Variants in SLC2A9 observed in about 807,000 individuals in gnomAD.
SLC2A9 encodes solute carrier family 2, facilitated glucose transporter member 9.
Under a neutral mutation model 50.6 loss-of-function variants are expected in SLC2A9, and 39 were observed. The ratio of observed to expected loss-of-function variants is 0.77; its 90% CI spans 0.60 to 1.01. The LOEUF is 1.01. Ranked by LOEUF, SLC2A9 falls within the 50% of genes least tolerant of loss-of-function variation. The pLI is 0.00. For missense variants in SLC2A9, 686 were observed against 677.6 expected, an observed-to-expected ratio of 1.01 and a Z score of -0.14; for synonymous variants, 324 against 276.9, an observed-to-expected ratio of 1.17 and a Z score of -1.69.
intron 8 of SLC2A9, among the ~76,000 whole-genome samples, chr4:9,903,628 C>T (rs142455329): frequency 6.6e-6 from 1 of 151,940 alleles, no homozygotes. Context: ...CTTTATTAGC[C>T]TCCTGAGCCA....
intron 5 of SLC2A9, among the ~76,000 whole-genome samples, chr4:9,976,897 T>C (rs1754894908): frequency 6.6e-6 from 1 of 152,234 alleles, no homozygotes; most frequent in African/African-American, 2.4e-5. Context: ...ACTCCTTCTC[T>C]TTCATAGCTC....
chr4:9,917,397 A>C (rs1273776736), intron 7 of SLC2A9, among the ~76,000 whole-genome samples: 1 of 117,860 alleles, frequency 8.5e-6, no homozygotes, highest in Non-Finnish European at 1.6e-5. Flanking sequence ...TAGTGGTGCG[A>C]TCTTGGCTCA....
chr4:9,879,189 T>C, intron 10 of SLC2A9: 8 of 985,064 alleles, frequency 8.1e-6, no homozygotes, highest in Non-Finnish European at 9.6e-6. Context: ...TAGGAGTTAA[T>C]CTAGGGGGCT....
At chr4:9,825,426 C>T (rs181552377), downstream of SLC2A9, among the ~76,000 whole-genome samples, 4 of 152,298 alleles carry the variant, frequency 2.6e-5, no homozygotes, top group African/African-American at 9.6e-5. Flanking sequence ...TTCAAGACAG[C>T]TCATTACCTT....
At chr4:9,845,533 C>T (rs1728845916) in intron 10 of SLC2A9, among the ~76,000 whole-genome samples, 1 of 148,978 alleles carries the variant, frequency 6.7e-6, no homozygotes, top group Admixed American at 6.6e-5. Flanking sequence ...GGGTTCACGC[C>T]ATTCTCCTGC....
intron 5 of SLC2A9, among the ~76,000 whole-genome samples, chr4:9,952,413 C>G (rs1339977644): frequency 6.6e-6 from 1 of 152,148 alleles, no homozygotes; most frequent in African/African-American, 2.4e-5. Context: ...AGGTGATGTG[C>G]CTGCTCCTGG....
intron 1 of SLC2A9, 75 bp from the exon 2 acceptor site, chr4:10,019,148 C>T: frequency 7.9e-7 from 1 of 1,258,122 alleles, no homozygotes; most frequent in South Asian, 1.3e-5. Flanking sequence ...TGGAACGTTC[C>T]CTCAGCTGGG....
At chr4:9,911,844 G>T (rs1741868058) in intron 7 of SLC2A9, among the ~76,000 whole-genome samples, 1 of 152,198 alleles carries the variant, frequency 6.6e-6, no homozygotes, top group African/African-American at 2.4e-5. Context: ...GTCTCTCCAT[G>T]GAGATGTGAT....
downstream of SLC2A9, among the ~76,000 whole-genome samples, chr4:9,797,971 C>T (rs1235845244): frequency 1.3e-5 from 2 of 152,198 alleles, no homozygotes; most frequent in Non-Finnish European, 2.9e-5. Flanking sequence ...TGGCATTCAG[C>T]AGGGGCTAGA....
At chr4:9,843,572 G>C (rs1728445990) in intron 10 of SLC2A9, among the ~76,000 whole-genome samples, 1 of 152,102 alleles carries the variant, frequency 6.6e-6, no homozygotes, top group Admixed American at 6.5e-5. Context: ...TTAGAGTCTT[G>C]GCTCTGCCAC....
At chr4:9,872,432 C>CATA (rs1733597792) in intron 10 of SLC2A9, among the ~76,000 whole-genome samples, 2 of 152,166 alleles carry the variant, frequency 1.3e-5, no homozygotes, top group Admixed American at 1.3e-4. Flanking sequence ...ACAAAAGAAA[C>CATA]CCAGTCTGTG....
At chr4:10,014,464 T>G (rs1371303624) in intron 2 of SLC2A9, among the ~76,000 whole-genome samples, 1 of 152,194 alleles carries the variant, frequency 6.6e-6, no homozygotes, top group Non-Finnish European at 1.5e-5. Context: ...GCTCATAGCC[T>G]GGGTGGTGCT....
intron 11 of SLC2A9, among the ~76,000 whole-genome samples, chr4:9,827,229 T>C (rs1448044256): frequency 6.6e-6 from 1 of 152,234 alleles, no homozygotes; most frequent in African/African-American, 2.4e-5. Context: ...AGCTTCTCAG[T>C]GACTCAGTCA....
At chr4:9,780,429 G>A (rs1264557410) in intron 3 of SLC2A9, among the ~76,000 whole-genome samples, 3 of 152,106 alleles carry the variant, frequency 2.0e-5, no homozygotes, top group East Asian at 1.9e-4. Context: ...GCGGCAAAAA[G>A]CACTGAGGGG....
intron 8 of SLC2A9, among the ~76,000 whole-genome samples, chr4:9,906,634 T>C (rs1468570990): frequency 6.6e-6 from 1 of 152,238 alleles, no homozygotes; most frequent in Non-Finnish European, 1.5e-5. Flanking sequence ...ATTTCTTCTT[T>C]GTTCCTCTCT....
intron 2 of SLC2A9, among the ~76,000 whole-genome samples, chr4:10,005,635 C>T (rs9291641): frequency 0.72 from 109,579 of 152,124 alleles, 40,315 homozygotes; most frequent in Non-Finnish European, 0.81. Flanking sequence ...ATTGATGTTA[C>T]GGCTAGTACT....
At chr4:9,943,971 C>T (rs577330763) in intron 5 of SLC2A9, among the ~76,000 whole-genome samples, 24 of 152,332 alleles carry the variant, frequency 1.6e-4, no homozygotes, top group Non-Finnish European at 2.9e-4. Flanking sequence ...TGTGCTGAGG[C>T]CTCCCAGCCA....
At chr4:9,909,369 A>G (rs974054764) in intron 7 of SLC2A9, among the ~76,000 whole-genome samples, 12 of 152,220 alleles carry the variant, frequency 7.9e-5, no homozygotes, top group Admixed American at 2.0e-4. Flanking sequence ...TGGAGTTGCT[A>G]TACCAGCCCT....
chr4:9,782,058 C>G (rs1718479503), intron 3 of SLC2A9: 7 of 1,486,554 alleles, frequency 4.7e-6, no homozygotes, highest in Non-Finnish European at 6.2e-6. Context: ...AACGGCACCG[C>G]GTACCCGGGG....
Sources: allele counts gnomAD v4.1 joint callset (sites outside exome capture counted in the v4.1 genomes callset), GRCh38; gene constraint gnomAD v4.1.1; transcripts MANE v1.5; gene names NCBI Gene and HGNC (gene_info 2026-07-23, HGNC 2026-07-21).